The following SMARCA2 variants were observed in gnomAD, a reference collection of about 807,000 sequenced individuals.
SMARCA2 encodes SWI/SNF-related matrix-associated actin-dependent regulator of chromatin subfamily A member 2.
In SMARCA2, 61 loss-of-function variants were observed where a neutral mutation model predicts 199.8. The ratio of observed to expected loss-of-function variants is 0.31; its 90% confidence interval spans 0.25 to 0.38. The LOEUF (loss-of-function observed/expected upper bound fraction) is 0.38. Among genes scored for constraint, SMARCA2 ranks in the 10% least tolerant of loss-of-function variants. SMARCA2 has a pLI of 1.00. For missense variants in SMARCA2, 1,344 were observed against 2,012.2 expected, an observed-to-expected ratio of 0.67 and a Z score of 6.35; for synonymous variants, 935 against 732.0, an observed-to-expected ratio of 1.28 and a Z score of -4.48.
chr9:2,144,689 A>G (rs913246444), intron 27 of SMARCA2, among the ~76,000 whole-genome samples: 1 of 152,216 alleles, frequency 6.6e-6, no homozygotes, highest in African/African-American at 2.4e-5. Context: ...CTCCAGGATC[A>G]GTAAAATTAA....
intron 17 of SMARCA2, among the ~76,000 whole-genome samples, chr9:2,084,617 A>G (rs1212475893): frequency 1.3e-5 from 2 of 152,122 alleles, no homozygotes. Flanking sequence ...TTGTTTCTCC[A>G]AAGATGAGCC....
chr9:2,040,144 G>A, intron 4 of SMARCA2: 1 of 791,564 alleles, frequency 1.3e-6, no homozygotes, highest in Non-Finnish European at 1.9e-6. Flanking sequence ...CAGGGAAAAA[G>A]CACCTGTGAT....
chr9:2,187,240 G>T (rs1309275213), intron 32 of SMARCA2, among the ~76,000 whole-genome samples: 1 of 152,096 alleles, frequency 6.6e-6, no homozygotes, highest in Non-Finnish European at 1.5e-5. Flanking sequence ...TTACCTTTTA[G>T]GATATTAGTT....
chr9:2,143,664 T>C (rs1824573988), intron 27 of SMARCA2, among the ~76,000 whole-genome samples: 1 of 152,202 alleles, frequency 6.6e-6, no homozygotes, highest in African/African-American at 2.4e-5. Flanking sequence ...AAACTGATCA[T>C]TTTAAAGATT....
At chr9:2,151,082 AAC>A (rs1291848966) in intron 27 of SMARCA2, among the ~76,000 whole-genome samples, 2 of 151,502 alleles carry the variant, frequency 1.3e-5, no homozygotes, top group African/African-American at 4.8e-5. Flanking sequence ...CTGCACATAA[AAC>A]ACAGACTTTG....
intron 27 of SMARCA2, among the ~76,000 whole-genome samples, chr9:2,145,602 T>G (rs1824703001): frequency 6.6e-6 from 1 of 152,200 alleles, no homozygotes. Flanking sequence ...AGTTTGATGC[T>G]AGAGTTTATC....
At chr9:2,117,143 C>T (rs552130627) in intron 25 of SMARCA2, among the ~76,000 whole-genome samples, 10 of 151,896 alleles carry the variant, frequency 6.6e-5, no homozygotes, top group East Asian at 1.9e-4. Flanking sequence ...ATTATAAAGT[C>T]GAAAAATCCT....
intron 21 of SMARCA2, 91 bp from the exon 22 acceptor site, chr9:2,101,479 G>T (rs993699627): frequency 3.1e-6 from 2 of 643,368 alleles, no homozygotes; most frequent in Non-Finnish European, 5.2e-6. Flanking sequence ...TTTAACTATA[G>T]AAATAGGTAG....
In SMARCA2 at chr9:2,182,346, CA is replaced by C. The variant is rs555164647; in HGVS notation, c.4461+105del. 5.2e-5 allele frequency: 37 copies of C among 713,962 alleles called. No homozygotes were observed. The African/African-American group carries it at 6.2e-4, about 12-fold the overall frequency. The allele number at this position is 713,962 out of a possible 1,614,324, so 44.2% of individuals were successfully genotyped here. ...CTACCTCTTGAATCATTGCTACTGG[CA>C]GAAGAAAAATAACTAAAAGCCTATG... On this transcript the variant is annotated intron_variant, in intron 31 of 33. Coordinates refer to ENST00000349721, the MANE Select transcript of SMARCA2 (RefSeq NM_003070.5).
chr9:2,096,986 G>C (rs920940604), intron 20 of SMARCA2: 135 of 546,458 alleles, frequency 2.5e-4, no homozygotes, highest in African/African-American at 2.2e-3. Flanking sequence ...AAAATAGTTA[G>C]CTCTGCTTAT....
At chr9:2,067,745 T>C (rs758540008) in intron 9 of SMARCA2, among the ~76,000 whole-genome samples, 15 of 152,216 alleles carry the variant, frequency 9.9e-5, no homozygotes, top group Non-Finnish European at 2.1e-4. Context: ...CCAAATGTCT[T>C]AAATCTAATA....
chr9:2,144,462 C>G (rs890261887), intron 27 of SMARCA2, among the ~76,000 whole-genome samples: 1 of 152,170 alleles, frequency 6.6e-6, no homozygotes, highest in African/African-American at 2.4e-5. Context: ...AGGCACCAGT[C>G]TTTGGGGTAT....
chr9:2,033,604 G>C (rs767226398), intron 3 of SMARCA2, among the ~76,000 whole-genome samples: 20 of 152,194 alleles, frequency 1.3e-4, no homozygotes, highest in Admixed American at 7.2e-4. Flanking sequence ...GTCATTTCTG[G>C]TGGGTGGCTG....
At chr9:2,055,545 A>G (rs937315757) in intron 6 of SMARCA2, 4 of 152,212 alleles carry the variant, frequency 2.6e-5, no homozygotes, top group Non-Finnish European at 5.9e-5. Flanking sequence ...TAATGAGTCA[A>G]AGTAGTTTGG....
intron 4 of SMARCA2, chr9:2,042,513 G>A (rs1819650091): frequency 6.6e-6 from 1 of 152,174 alleles, no homozygotes; most frequent in Non-Finnish European, 1.5e-5. Context: ...TTCATCCAAG[G>A]TTAAAATAAT....
intron 33 of SMARCA2, chr9:2,191,665 T>TTAATCTTCCCACATGCTTTCTTATAA (rs1156992523): frequency 2.9e-6 from 1 of 341,898 alleles, no homozygotes; most frequent in African/African-American, 2.1e-5. Flanking sequence ...TTCCCCCTTT[T>TTAATCTTCCCACATGCTTTCTTATAA]TAATCTTCCC....
rs559290720 is a variant in SMARCA2, at chr9:2,187,937, C to T, written c.4594+1709C>T. On this transcript the variant is annotated intron_variant, in intron 32 of 33. Transcript: ENST00000349721. Reference sequence around the variant, plus strand: ...AAAAATCATGCCACAAAACTGTGTGCTATGTTTTTATAAACAAATTTATGT... The same window carrying T: ...AAAAATCATGCCACAAAACTGTGTGTTATGTTTTTATAAACAAATTTATGT... Among the ~76,000 whole-genome samples, 4 of 151,962 alleles carry T rather than the reference C, an allele frequency of 2.6e-5. No homozygotes were observed. In the East Asian group the frequency reaches 7.7e-4, roughly 29 times the overall value.
chr9:2,077,561 T>G lies in SMARCA2; in HGVS notation c.2037-68T>G, dbSNP rs1821380865. 2.7e-6 allele frequency: 4 copies of G among 1,505,624 alleles called. No individual in the cohort carries two copies. The Admixed American group carries it at 7.4e-5, about 28-fold the overall frequency. The allele number at this position is 1,505,624 out of a possible 1,614,324, so 93.3% of individuals were successfully genotyped here. A position where few individuals can be genotyped will look rare whatever the true frequency, so the allele number is the denominator to read the frequency against. On this transcript the variant is annotated intron_variant, in intron 13 of 33. Transcript: ENST00000349721. The stretch of plus-strand genomic sequence containing the variant: ...CTATTTTAGGTTCTCAAATCATTTT[T>G]TGAGTGAAGTAAAACAACACATGCA...
At chr9:2,190,169 T>A (rs144929680) in intron 32 of SMARCA2, among the ~76,000 whole-genome samples, 1 of 152,222 alleles carries the variant, frequency 6.6e-6, no homozygotes, top group Non-Finnish European at 1.5e-5. Flanking sequence ...TCCAAGTGTT[T>A]CCATTGGTAT....
Sources: gnomAD v4.1 joint callset for allele counts (sites outside exome capture counted in the v4.1 genomes callset) on GRCh38, gnomAD v4.1.1 for gene constraint, MANE v1.5 for transcripts, NCBI Gene and HGNC (gene_info 2026-07-23, HGNC 2026-07-21) for gene names.